Variants in ACMSD observed in about 807,000 individuals in gnomAD.
ACMSD encodes aminocarboxymuconate semialdehyde decarboxylase.
Under a neutral mutation model 45.9 loss-of-function variants are expected in ACMSD, and 37 were observed. The observed-to-expected ratio is 0.81, with a 90% CI of 0.62 to 1.06. The LOEUF (loss-of-function observed/expected upper bound fraction) is 1.06. ACMSD is among the 50% of genes least tolerant of loss of function. The pLI, the probability that ACMSD is intolerant of heterozygous loss-of-function variation, is 0.00. For missense variants in ACMSD, 434 were observed against 420.9 expected (o/e 1.03, Z -0.27); for synonymous variants, 138 against 148.8 (o/e 0.93, Z 0.53).
intron 5 of ACMSD, 36 bp downstream of exon 5, chr2:134,863,667 C>A (rs1429784810): frequency 1.2e-6 from 2 of 1,607,026 alleles, no homozygotes; most frequent in East Asian, 2.2e-5. Context: ...CGCCAGCCGC[C>A]CAGTGCCTGG....
chr2:134,863,599 C>A lies in ACMSD; in HGVS notation c.454C>A (p.Leu152Met), dbSNP rs756194740. 1 of 1,614,208 alleles carries A rather than the reference C, an allele frequency of 6.2e-7. No individual in the cohort carries two copies. Among genetic ancestry groups the A allele is most frequent in the African/African-American group, 1.3e-5 (1 of 75,080 alleles). Residue 152 changes from leucine (L) to methionine (M), a missense_variant, in exon 5 of 10, where the codon CTG (leucine) becomes ATG (methionine). Coordinates refer to ENST00000356140, the MANE Select transcript of ACMSD (RefSeq NM_138326.3). ...QIGTHVNEWD[L>M]NAQELFPVYA... is the part of the protein sequence containing the mutation. The stretch of plus-strand genomic sequence containing the variant: ...TGGCACCCACGTCAACGAGTGGGAC[C>A]TGAACGCGCAGGAGCTCTTTCCTGT...
At chr2:134,851,566 C>T (rs1404492568) in intron 2 of ACMSD, among the ~76,000 whole-genome samples, 2 of 152,280 alleles carry the variant, frequency 1.3e-5, no homozygotes, top group East Asian at 1.9e-4. Flanking sequence ...CCTCAGGCTC[C>T]TGAGTAGCTG....
chr2:134,879,765 G>C (rs1045863021), intron 8 of ACMSD, among the ~76,000 whole-genome samples: 1 of 152,076 alleles, frequency 6.6e-6, no homozygotes, highest in Non-Finnish European at 1.5e-5. Context: ...AGTACATTCA[G>C]ACGCATAGAC....
chr2:134,898,042 A>G (rs1400900751), intron 8 of ACMSD, among the ~76,000 whole-genome samples: 2 of 151,606 alleles, frequency 1.3e-5, no homozygotes, highest in Non-Finnish European at 2.9e-5. Context: ...ATATTTTAGT[A>G]AATAAATATC....
chr2:134,863,463 C>G lies in ACMSD; in HGVS notation c.318C>G (p.Ser106Arg). ...LNNDLASTVV[S>R]YPRRFVGLGT... ...ACGACCTTGCCAGCACCGTTGTGAG[C>G]TACCCCAGGAGGTTCGTGGGTCTGG... Residue 106 changes from serine (S) to arginine (R), a missense_variant, in exon 5 of 10, where the codon AGC (serine) becomes AGG (arginine). By Grantham distance (110) the Ser-to-Arg change is moderately radical (BLOSUM62 -1). Coordinates refer to ENST00000356140, the MANE Select transcript of ACMSD (RefSeq NM_138326.3). 1 of 1,614,256 alleles carries G rather than the reference C, an allele frequency of 6.2e-7. No homozygotes were observed. Among genetic ancestry groups the G allele is most frequent in the South Asian group, 1.1e-5 (1 of 91,088 alleles).
intron 3 of ACMSD, among the ~76,000 whole-genome samples, chr2:134,861,649 T>A (rs1687853966): frequency 6.6e-6 from 1 of 152,162 alleles, no homozygotes; most frequent in African/African-American, 2.4e-5. Context: ...ACATGCTCTG[T>A]TGTGCATAAC....
intron 8 of ACMSD, among the ~76,000 whole-genome samples, chr2:134,895,816 G>A (rs988491806): frequency 6.6e-6 from 1 of 152,122 alleles, no homozygotes. Context: ...AGCCAGGATC[G>A]CACCATTACA....
intron 2 of ACMSD, among the ~76,000 whole-genome samples, 166 bp from the exon 3 acceptor site, chr2:134,859,095 G>A (rs1208922097): frequency 6.6e-6 from 1 of 151,346 alleles, no homozygotes; most frequent in Non-Finnish European, 1.5e-5. Flanking sequence ...AGAAAAGCAT[G>A]AGGAAAGAAA....
At chr2:134,866,683 C>A (rs1688113374) in intron 5 of ACMSD, among the ~76,000 whole-genome samples, 1 of 152,230 alleles carries the variant, frequency 6.6e-6, no homozygotes, top group African/African-American at 2.4e-5. Flanking sequence ...CACTCCAGAA[C>A]CTCAATATAT....
chr2:134,842,379 C>A (rs1028383777), intron 1 of ACMSD, among the ~76,000 whole-genome samples: 3 of 152,134 alleles, frequency 2.0e-5, no homozygotes, highest in African/African-American at 7.2e-5. Flanking sequence ...CACAGAGGGA[C>A]AAAAGGCTCT....
intron 6 of ACMSD, among the ~76,000 whole-genome samples, chr2:134,869,886 G>T (rs1479754912): frequency 1.3e-5 from 2 of 151,978 alleles, no homozygotes; most frequent in Admixed American, 6.6e-5. Flanking sequence ...TATGGTTCAA[G>T]TAATTATGGG....
intron 3 of ACMSD, among the ~76,000 whole-genome samples, chr2:134,860,401 CAT>C (rs1378812736): frequency 6.6e-5 from 10 of 152,348 alleles, no homozygotes; most frequent in African/African-American, 2.4e-4. Flanking sequence ...CTTCCAGACA[CAT>C]GTGGGCTGTG....
intron 2 of ACMSD, among the ~76,000 whole-genome samples, chr2:134,856,800 G>A (rs919738099): frequency 3.9e-5 from 6 of 151,994 alleles, no homozygotes; most frequent in South Asian, 2.1e-4. Context: ...TCTGTTGATC[G>A]TTTCCTTTAC....
Position 134,901,926 on chromosome 2 carries a change from C to T in ACMSD, c.*66C>T. The T allele has an allele frequency of 8.5e-7, 1 of 1,179,924 alleles. No homozygotes were observed. The highest frequency in any genetic ancestry group is 1.2e-6 in the Non-Finnish European group (1 of 824,610). The allele number at this position is 1,179,924 out of a possible 1,614,324, so 73.1% of individuals were successfully genotyped here. Reference sequence around the variant, plus strand: ...ATTTTTGTTTCTAAATATGTATCAACAGGTATCAACAAAATCCTATTTTGA... The same window carrying T: ...ATTTTTGTTTCTAAATATGTATCAATAGGTATCAACAAAATCCTATTTTGA... On this transcript the variant is annotated 3_prime_UTR_variant, in exon 10 of 10. Transcript: ENST00000356140.
rs537586689 is a variant in ACMSD at position 134,848,785 on chromosome 2, T to C, written c.102+3508T>C. 4.6e-5 allele frequency among the ~76,000 whole-genome samples: 7 copies of C among 152,332 alleles called. No individual in the cohort carries two copies. The East Asian group carries it at 1.2e-3, about 25-fold the overall frequency. ...CAGAAGCTCTTTAGCATTTGTCAATTTTGGCTTTTGTTGCCATTGCTTCCG... is the reference window on the plus strand; with the variant it reads ...CAGAAGCTCTTTAGCATTTGTCAATCTTGGCTTTTGTTGCCATTGCTTCCG... On this transcript the variant is annotated intron_variant, in intron 2 of 9. Coordinates refer to ENST00000356140, the MANE Select transcript of ACMSD (RefSeq NM_138326.3).
At chr2:134,866,162 C>G (rs1688086411) in intron 5 of ACMSD, among the ~76,000 whole-genome samples, 1 of 152,094 alleles carries the variant, frequency 6.6e-6, no homozygotes, top group Non-Finnish European at 1.5e-5. Context: ...AAAAATCTAC[C>G]TATTGGGTAC....
intron 2 of ACMSD, among the ~76,000 whole-genome samples, chr2:134,854,872 C>T (rs1173127562): frequency 6.6e-6 from 1 of 152,194 alleles, no homozygotes; most frequent in East Asian, 1.9e-4. Context: ...CCAGTCAGTG[C>T]TGCTACTAAG....
Position 134,898,388 on chromosome 2 carries a change from G to A in ACMSD, c.897G>A (p.Leu299=), listed in dbSNP as rs371576290. ...GTDYPFPLGE[L]EPGKLIESME... ...ATTACCCCTTTCCACTAGGTGAGCT[G>A]GAACCTGGGAAACTAATAGAGTCCA... Residue 299 remains leucine (L), a synonymous_variant, in exon 9 of 10, where the codon CTG becomes CTA. Transcript: ENST00000356140. 5 of 1,602,568 alleles carry A rather than the reference G, an allele frequency of 3.1e-6. No homozygotes were observed. The highest frequency in any genetic ancestry group is 4.3e-6 in the Non-Finnish European group (5 of 1,175,154).
intron 2 of ACMSD, among the ~76,000 whole-genome samples, chr2:134,852,436 C>T (rs538723942): frequency 4.5e-4 from 69 of 152,134 alleles, no homozygotes; most frequent in African/African-American, 1.6e-3. Context: ...GACCAGCCAT[C>T]GTAGGCAATA....
Sources: gnomAD v4.1 joint callset for allele counts (sites outside exome capture counted in the v4.1 genomes callset) on GRCh38, gnomAD v4.1.1 for gene constraint, MANE v1.5 for transcripts, NCBI Gene and HGNC (gene_info 2026-07-23, HGNC 2026-07-21) for gene names.